Variants in CNOT10 observed in about 807,000 individuals in gnomAD.
The protein encoded by CNOT10 is CCR4-NOT transcription complex, subunit 10.
In CNOT10, 30 loss-of-function variants were observed where a neutral mutation model predicts 94.6. The observed-to-expected ratio is 0.32, with a 90% CI of 0.24 to 0.43. CNOT10 has a LOEUF of 0.43. Among genes scored for constraint, CNOT10 ranks in the 20% least tolerant of loss-of-function variants. The pLI is 1.00. For synonymous variants in CNOT10, 289 were observed against 301.6 expected (o/e 0.96, Z 0.43); for missense variants, 759 against 877.2 (o/e 0.87, Z 1.70).
At chr3:32,685,655 C>T (rs1696563811) in intron 1 of CNOT10, among the ~76,000 whole-genome samples, 173 bp downstream of exon 1, 1 of 152,156 alleles carries the variant, frequency 6.6e-6, no homozygotes, top group Non-Finnish European at 1.5e-5. Flanking sequence ...TCTTCGGGCC[C>T]CGGGTCCAAT....
At chr3:32,724,342 G>A (rs1017496811) in intron 8 of CNOT10, among the ~76,000 whole-genome samples, 12 of 149,938 alleles carry the variant, frequency 8.0e-5, no homozygotes, top group African/African-American at 3.0e-4. Context: ...GCCCTCTAGG[G>A]CCAAGCAATT....
intron 13 of CNOT10, among the ~76,000 whole-genome samples, chr3:32,750,371 T>C (rs1484905758): frequency 6.6e-6 from 1 of 151,892 alleles, no homozygotes; most frequent in African/African-American, 2.4e-5. Flanking sequence ...GTTGTGTGCC[T>C]ATAGTCTCAG....
Position 32,762,733 on chromosome 3 carries a change from G to A in CNOT10, c.1710G>A (p.Lys570=). The change falls in exon 15 of 19, where the codon AAG becomes AAA. Residue 570 remains lysine (K), a splice_region_variant and synonymous_variant. Transcript: ENST00000328834. ...TTTGGAATCTGTTTTTTCATTTTAG[G>A]TTTTTGGGACATTTATATGCTGCAG... ...LQQPKLSGSL[K]FLGHLYAAEA... is the part of the protein sequence containing the mutation. 1.3e-6 allele frequency: 2 copies of A among 1,582,220 alleles called. No individual in the cohort carries two copies. Among genetic ancestry groups the A allele is most frequent in the South Asian group, 2.4e-5 (2 of 83,930 alleles).
chr3:32,762,823 T>C lies in CNOT10; in HGVS notation c.1800T>C (p.Thr600=). ...CTCACTTGAACCCGGAGAATGTCAC[T>C]GATGTCTCCTTAGGGATCTCTTCAA... is the stretch of plus-strand genomic sequence containing the variant. ...AITHLNPENV[T]DVSLGISSNE... is the part of the protein sequence containing the mutation. The change falls in exon 15 of 19, where the codon ACT becomes ACC. Residue 600 remains threonine (T), a synonymous_variant. Coordinates refer to ENST00000328834, the MANE Select transcript of CNOT10 (RefSeq NM_015442.3). The C allele has an allele frequency of 6.3e-7, 1 of 1,585,468 alleles. No individual in the cohort carries two copies. The highest frequency in any genetic ancestry group is 8.5e-7 in the Non-Finnish European group (1 of 1,171,636).
At chr3:32,715,641 G>A (rs1217257990) in intron 5 of CNOT10, among the ~76,000 whole-genome samples, 3 of 152,138 alleles carry the variant, frequency 2.0e-5, no homozygotes, top group Non-Finnish European at 4.4e-5. Flanking sequence ...TTTAAAACAA[G>A]CCCAGGCTGG....
At chr3:32,700,915 G>A (rs1697312231) in intron 1 of CNOT10, among the ~76,000 whole-genome samples, 1 of 152,176 alleles carries the variant, frequency 6.6e-6, no homozygotes, top group Non-Finnish European at 1.5e-5. Context: ...TTGGGAGATA[G>A]TAAAATATAA....
Position 32,711,862 on chromosome 3 carries a change from G to C in CNOT10, c.431-1365G>C, listed in dbSNP as rs149616702. On this transcript the variant is annotated intron_variant, in intron 4 of 18. Transcript: ENST00000328834. ...GGTAAAGCCTAGGGCAGGGCTTACT[G>C]TCTTAGGTGCAGTGAGATTCCCTTG... Among the ~76,000 whole-genome samples the C allele has an allele frequency of 1.6e-4, 24 of 152,332 alleles. No homozygotes were observed. In the East Asian group the frequency reaches 4.6e-3, roughly 29 times the overall value.
intron 13 of CNOT10, among the ~76,000 whole-genome samples, chr3:32,751,862 C>T (rs1037833580): frequency 9.2e-5 from 14 of 152,114 alleles, no homozygotes; most frequent in Non-Finnish European, 1.3e-4. Context: ...CGAACTCTAC[C>T]GTAGAAGGAT....
chr3:32,708,430 T>G (rs899112199), intron 3 of CNOT10, among the ~76,000 whole-genome samples: 1 of 152,196 alleles, frequency 6.6e-6, no homozygotes, highest in African/African-American at 2.4e-5. Flanking sequence ...AGCCATGTGC[T>G]GGGTACTTAA....
At chr3:32,719,511 G>C (rs1340548410) in intron 7 of CNOT10, among the ~76,000 whole-genome samples, 1 of 152,144 alleles carries the variant, frequency 6.6e-6, no homozygotes, top group African/African-American at 2.4e-5. Flanking sequence ...ACTCTAAACA[G>C]GTAGTACTAT....
At chr3:32,742,614 T>C (rs1002861255) in intron 13 of CNOT10, among the ~76,000 whole-genome samples, 7 of 152,106 alleles carry the variant, frequency 4.6e-5, no homozygotes, top group Admixed American at 2.0e-4. Context: ...ACTCCTGAGC[T>C]CAAGTGATCT....
intron 13 of CNOT10, among the ~76,000 whole-genome samples, chr3:32,738,112 A>G (rs1699276216): frequency 6.6e-6 from 1 of 152,158 alleles, no homozygotes; most frequent in Non-Finnish European, 1.5e-5. Flanking sequence ...TGTTTTCTGC[A>G]AGAGTCTGTG....
At chr3:32,719,642 T>C (rs73059829) in intron 7 of CNOT10, among the ~76,000 whole-genome samples, 30,603 of 152,186 alleles carry the variant, frequency 0.2, 3,236 homozygotes, top group Middle Eastern at 0.26. Flanking sequence ...AAAATTCTTC[T>C]ATTTGTAGAA....
intron 10 of CNOT10, among the ~76,000 whole-genome samples, chr3:32,732,973 G>A (rs1222796357): frequency 6.6e-6 from 1 of 152,094 alleles, no homozygotes; most frequent in Admixed American, 6.6e-5. Context: ...TTTATATATT[G>A]TTGACAATGT....
At chr3:32,756,032 T>A (rs1214225124) in intron 13 of CNOT10, among the ~76,000 whole-genome samples, 1 of 152,154 alleles carries the variant, frequency 6.6e-6, no homozygotes, top group African/African-American at 2.4e-5. Flanking sequence ...AGTAAAGTGA[T>A]TCTCTGGGGG....
At chr3:32,743,303 AG>A (rs373252388) in intron 13 of CNOT10, among the ~76,000 whole-genome samples, 60 of 152,038 alleles carry the variant, frequency 3.9e-4, no homozygotes, top group African/African-American at 1.4e-3. Flanking sequence ...TACTAATCTT[AG>A]GATTGCTCTA....
chr3:32,700,464 G>A (rs192900027), intron 1 of CNOT10, among the ~76,000 whole-genome samples: 1 of 152,266 alleles, frequency 6.6e-6, no homozygotes, highest in Non-Finnish European at 1.5e-5. Context: ...TCTAAAAATT[G>A]TCTGTACGTC....
intron 17 of CNOT10, among the ~76,000 whole-genome samples, chr3:32,767,580 CTTG>C (rs1244146904): frequency 1.3e-5 from 2 of 150,814 alleles, no homozygotes; most frequent in African/African-American, 4.9e-5. Flanking sequence ...TGTGAGCAGC[CTTG>C]TTGTGCCTAG....
At chr3:32,738,603 C>T (rs932650468) in intron 13 of CNOT10, among the ~76,000 whole-genome samples, 2 of 151,796 alleles carry the variant, frequency 1.3e-5, no homozygotes, top group Non-Finnish European at 2.9e-5. Flanking sequence ...GCTGGGACTA[C>T]AGGCGCCTGC....
Sources: allele counts gnomAD v4.1 joint callset (sites outside exome capture counted in the v4.1 genomes callset), GRCh38; gene constraint gnomAD v4.1.1; transcripts MANE v1.5; gene names NCBI Gene and HGNC (gene_info 2026-07-23, HGNC 2026-07-21).